The following HTR4 variants were observed in gnomAD, a reference collection of about 807,000 sequenced individuals.
HTR4 encodes 5-hydroxytryptamine receptor 4, also known as 5-hydroxytryptamine (serotonin) receptor 4, G protein-coupled.
In HTR4, 16 loss-of-function variants were observed where a neutral mutation model predicts 36.8. The observed-to-expected ratio is 0.43, with a 90% CI of 0.29 to 0.66. The LOEUF (loss-of-function observed/expected upper bound fraction) is 0.66. Among genes scored for constraint, HTR4 ranks in the 30% least tolerant of loss-of-function variants. The pLI is 0.13. For missense variants in HTR4, 438 were observed against 490.9 expected, an observed-to-expected ratio of 0.89 and a Z score of 1.02; for synonymous variants, 189 against 185.1, an observed-to-expected ratio of 1.02 and a Z score of -0.17.
intron 4 of HTR4, among the ~76,000 whole-genome samples, chr5:148,525,786 T>C (rs1271752659): frequency 6.6e-6 from 1 of 152,226 alleles, no homozygotes; most frequent in African/African-American, 2.4e-5. Context: ...CCAAAAGATA[T>C]GTTGAATTCC....
At chr5:148,546,051 G>T (rs1008673474) in intron 4 of HTR4, among the ~76,000 whole-genome samples, 1 of 152,168 alleles carries the variant, frequency 6.6e-6, no homozygotes, top group African/African-American at 2.4e-5. Flanking sequence ...AAGAAAATGA[G>T]CAGGACTTGT....
chr5:148,564,292 C>T (rs1760342593), intron 2 of HTR4, among the ~76,000 whole-genome samples: 1 of 152,184 alleles, frequency 6.6e-6, no homozygotes, highest in Non-Finnish European at 1.5e-5. Context: ...TCCTTCAGCA[C>T]TCAGCTTAAA....
chr5:148,602,785 A>T (rs1762045389), intron 2 of HTR4, among the ~76,000 whole-genome samples: 1 of 152,174 alleles, frequency 6.6e-6, no homozygotes, highest in African/African-American at 2.4e-5. Flanking sequence ...GGCACAAGTT[A>T]TCAGTATCTG....
At chr5:148,545,075 A>C (rs1427275776) in intron 4 of HTR4, among the ~76,000 whole-genome samples, 2 of 152,224 alleles carry the variant, frequency 1.3e-5, no homozygotes, top group Admixed American at 1.3e-4. Flanking sequence ...ATGATAAATA[A>C]AACCATCCTC....
At chr5:148,459,754 AAAAC>A (rs1210813155) in intron 5 of HTR4, among the ~76,000 whole-genome samples, 2 of 152,140 alleles carry the variant, frequency 1.3e-5, no homozygotes, top group South Asian at 4.1e-4. Flanking sequence ...AAACCAAACC[AAAAC>A]AAACAAACAA....
At position 148,548,764 on chromosome 5, in the gene HTR4, C is replaced by T; in HGVS notation, c.257G>A (p.Trp86Ter). Reference protein sequence around the residue: ...FGAIELVQDIWIYGEVFCLVR... With the variant: ...FGAIELVQDI Reference sequence around the variant, plus strand: ...AAGACAAAACACCTCCCCATAAATCCAGATGTCTTGAACCAGCTCAATGGC... The same window carrying T: ...AAGACAAAACACCTCCCCATAAATCTAGATGTCTTGAACCAGCTCAATGGC... The change falls in exon 4 of 7, where the codon TGG becomes TAG. Residue 86 changes from tryptophan to a stop codon, truncating the protein, a stop_gained. Transcript: ENST00000377888. LOFTEE classifies it high-confidence loss of function. 6.2e-7 allele frequency: 1 copy of T among 1,613,992 alleles called. No individual in the cohort carries two copies. Among genetic ancestry groups the T allele is most frequent in the South Asian group, 1.1e-5 (1 of 91,070 alleles).
chr5:148,533,962 A>G (rs997964533), intron 4 of HTR4, among the ~76,000 whole-genome samples: 2 of 152,184 alleles, frequency 1.3e-5, no homozygotes, highest in Admixed American at 6.5e-5. Flanking sequence ...TTGGTTCAAC[A>G]TCTTTCCCTA....
chr5:148,574,558 T>G (rs1468697458), intron 2 of HTR4, among the ~76,000 whole-genome samples: 1 of 152,054 alleles, frequency 6.6e-6, no homozygotes, highest in African/African-American at 2.4e-5. Flanking sequence ...ATAAATAAAT[T>G]CAGATTCAAA....
rs752325481 is a variant in HTR4 at position 148,465,942 on chromosome 5, A to T, written c.1077-14670T>A. ...GAACAGCCACTTTTAGTTGAAACAGAAAACAGCCACAGATGAGGGAGAGCC... is the reference window on the plus strand; with the variant it reads ...GAACAGCCACTTTTAGTTGAAACAGTAAACAGCCACAGATGAGGGAGAGCC... On this transcript the variant is annotated intron_variant, in intron 5 of 5. Transcript: ENST00000521530. 122 of 1,612,474 alleles carry T rather than the reference A, an allele frequency of 7.6e-5. 1 individual carries two copies. Among genetic ancestry groups the T allele is most frequent in the Middle Eastern group, 3.3e-4 (2 of 6,050 alleles).
chr5:148,451,296 T>C (rs898639926), intron 5 of HTR4: 3 of 1,613,356 alleles, frequency 1.9e-6, no homozygotes, highest in Non-Finnish European at 2.5e-6. Context: ...AAAGAAGGCA[T>C]GAGAATTCAA....
rs1209916588 is a variant in HTR4 at position 148,544,257 on chromosome 5, TTC to T, written c.353+4409_353+4410del. On this transcript the variant is annotated intron_variant, in intron 4 of 6. Transcript: ENST00000377888. ...TTTTTCATTCTCAATCTCTCTCTCT[TTC>T]TTTCTCTCTCTCTCTCTTTCTCTCT... Among the ~76,000 whole-genome samples the T allele has an allele frequency of 4.6e-5, 7 of 151,246 alleles. No individual in the cohort carries two copies. In the East Asian group the frequency reaches 1.4e-3, roughly 30 times the overall value.
chr5:148,476,769 C>T (rs780587378), downstream of HTR4: 62 of 1,612,862 alleles, frequency 3.8e-5, no homozygotes, highest in Non-Finnish European at 5.1e-5. Flanking sequence ...TCAAAAAGAA[C>T]GTAATTAATG....
chr5:148,457,929 A>G (rs1440963796), intron 5 of HTR4, among the ~76,000 whole-genome samples: 2 of 130,870 alleles, frequency 1.5e-5, no homozygotes, highest in Admixed American at 7.7e-5. Context: ...TCATTAAAAT[A>G]TATTATATTT....
intron 1 of HTR4, among the ~76,000 whole-genome samples, chr5:148,646,916 A>G (rs1044572392): frequency 6.6e-6 from 1 of 152,218 alleles, no homozygotes; most frequent in East Asian, 1.9e-4. Flanking sequence ...CAACAACAAC[A>G]AAAAACCCAG....
At chr5:148,612,084 A>C (rs1377134150) in intron 2 of HTR4, among the ~76,000 whole-genome samples, 3 of 152,160 alleles carry the variant, frequency 2.0e-5, no homozygotes, top group Non-Finnish European at 4.4e-5. Flanking sequence ...TAATGGGAGA[A>C]TTTAACACCC....
intron 5 of HTR4, 121 bp downstream of exon 5, chr5:148,523,072 A>T (rs988574492): frequency 1.4e-5 from 14 of 995,058 alleles, no homozygotes; most frequent in Admixed American, 3.0e-5. Context: ...TAAAAAAAAA[A>T]ATTATCACCC....
intron 2 of HTR4, among the ~76,000 whole-genome samples, chr5:148,576,084 C>T (rs1299822123): frequency 8.4e-6 from 1 of 118,986 alleles, no homozygotes; most frequent in African/African-American, 3.3e-5. Flanking sequence ...GCACTCCAGC[C>T]TGGGCGACAG....
intron 3 of HTR4, among the ~76,000 whole-genome samples, chr5:148,549,802 C>T (rs983244648): frequency 1.3e-5 from 2 of 152,122 alleles, no homozygotes. Context: ...CTAGATCTGT[C>T]CCTTGTCAGC....
intron 2 of HTR4, among the ~76,000 whole-genome samples, chr5:148,621,317 A>T (rs1015083995): frequency 6.6e-6 from 1 of 152,188 alleles, no homozygotes; most frequent in Non-Finnish European, 1.5e-5. Context: ...TTGACATAAA[A>T]ACCTCCAGTG....
Sources: gnomAD v4.1 joint callset for allele counts (sites outside exome capture counted in the v4.1 genomes callset) on GRCh38, gnomAD v4.1.1 for gene constraint, MANE v1.5 for transcripts, NCBI Gene and HGNC (gene_info 2026-07-23, HGNC 2026-07-21) for gene names.